GARIN2: variants seen among roughly 807,000 people sequenced by gnomAD.
The protein encoded by GARIN2 is golgi associated RAB2 interactor family member 2, also known as Golgi-associated RAB2 interactor protein 2.
the GARIN2 span, chr14:67,204,637 T>C: frequency 6.2e-7 from 1 of 1,613,918 alleles, no homozygotes; most frequent in Non-Finnish European, 8.5e-7. Context: ...CTTACAGCTC[T>C]GCACCTCTGC....
the GARIN2 span, among the ~76,000 whole-genome samples, chr14:67,190,411 A>G: frequency 5.3e-5 from 8 of 150,590 alleles, no homozygotes; most frequent in Admixed American, 2.6e-4. Context: ...ATTAGTAGAG[A>G]CAGGGTTTCG....
At chr14:67,224,246 A>G in the GARIN2 span, among the ~76,000 whole-genome samples, 19 of 145,744 alleles carry the variant, frequency 1.3e-4, no homozygotes, top group East Asian at 3.4e-3. Flanking sequence ...ATCTGAGTTC[A>G]TTTCTCTCTT....
chr14:67,211,422 C>T, the GARIN2 span, among the ~76,000 whole-genome samples: 1 of 151,968 alleles, frequency 6.6e-6, no homozygotes, highest in Admixed American at 6.6e-5. Flanking sequence ...TAAACTGAAC[C>T]TAGAGGAGAA....
At chr14:67,223,291 C>T in the GARIN2 span, among the ~76,000 whole-genome samples, 4 of 151,994 alleles carry the variant, frequency 2.6e-5, no homozygotes, top group Admixed American at 6.6e-5. Context: ...TGAGCCACTG[C>T]GCCTGGCCCC....
the GARIN2 span, among the ~76,000 whole-genome samples, chr14:67,210,887 C>G: frequency 1.1e-3 from 160 of 152,046 alleles, no homozygotes; most frequent in African/African-American, 3.6e-3. Flanking sequence ...GTCTGTAGTC[C>G]CAGCTACTCA....
the GARIN2 span, among the ~76,000 whole-genome samples, chr14:67,195,713 T>TTGTGTGTGTG: frequency 7.0e-4 from 100 of 143,336 alleles, no homozygotes; most frequent in African/African-American, 2.1e-3. Flanking sequence ...TTCTTTTTGG[T>TTGTGTGTGTG]TGTGTGTGTG....
the GARIN2 span, chr14:67,198,253 A>T: frequency 1.2e-6 from 2 of 1,613,894 alleles, no homozygotes; most frequent in Admixed American, 1.7e-5. Flanking sequence ...GATCTTCAAA[A>T]TATGTTGGAT....
chr14:67,204,296 G>A, the GARIN2 span, among the ~76,000 whole-genome samples: 1 of 152,040 alleles, frequency 6.6e-6, no homozygotes, highest in Non-Finnish European at 1.5e-5. Context: ...AAATTAGCCA[G>A]GCATTGGTGG....
chr14:67,212,962 A>G, the GARIN2 span, among the ~76,000 whole-genome samples: 1 of 151,856 alleles, frequency 6.6e-6, no homozygotes, highest in Non-Finnish European at 1.5e-5. Context: ...TAAGGTTTCT[A>G]TATGAGTTGT....
chr14:67,204,520 C>T, the GARIN2 span: 45 of 1,606,918 alleles, frequency 2.8e-5, no homozygotes, highest in South Asian at 2.0e-4. Flanking sequence ...ATGATGTTAC[C>T]GTGTGCTTGT....
the GARIN2 span, chr14:67,201,700 G>A: frequency 2.8e-6 from 1 of 354,694 alleles, no homozygotes; most frequent in Non-Finnish European, 5.6e-6. Flanking sequence ...CATGATATTG[G>A]ACAAAACCAG....
the GARIN2 span, chr14:67,200,133 C>G: frequency 3.6e-6 from 4 of 1,107,582 alleles, no homozygotes; most frequent in East Asian, 9.7e-5. Context: ...GGCCTCCATT[C>G]TGATCTCCCA....
the GARIN2 span, among the ~76,000 whole-genome samples, chr14:67,194,032 C>CA: frequency 1.3e-4 from 19 of 148,524 alleles, no homozygotes; most frequent in Admixed American, 1.3e-3. Context: ...ACTGGAAAGA[C>CA]ATATACCAAA....
the GARIN2 span, among the ~76,000 whole-genome samples, chr14:67,200,796 T>C: frequency 7.2e-5 from 11 of 152,324 alleles, no homozygotes. Context: ...CCTGTGCTGT[T>C]TCCAAGTTAG....
At chr14:67,210,977 G>GT in the GARIN2 span, among the ~76,000 whole-genome samples, 1 of 152,104 alleles carries the variant, frequency 6.6e-6, no homozygotes, top group African/African-American at 2.4e-5. Context: ...TCCAGCCTGG[G>GT]TGATGGAGTG....
At chr14:67,218,067 G>C in the GARIN2 span, among the ~76,000 whole-genome samples, 1 of 152,164 alleles carries the variant, frequency 6.6e-6, no homozygotes, top group East Asian at 1.9e-4. Context: ...CAGTGGCCTA[G>C]GCTTAGAGAG....
At chr14:67,200,112 GC>G in the GARIN2 span, 18 of 1,044,848 alleles carry the variant, frequency 1.7e-5, no homozygotes, top group East Asian at 4.9e-5. Flanking sequence ...CAATGGGCAT[GC>G]CCCCCCGAAG....
the GARIN2 span, among the ~76,000 whole-genome samples, chr14:67,203,466 A>G: frequency 6.6e-6 from 1 of 152,204 alleles, no homozygotes; most frequent in Admixed American, 6.5e-5. Context: ...ATGTATGACA[A>G]TGGGTATCCA....
the GARIN2 span, among the ~76,000 whole-genome samples, chr14:67,191,712 C>T: frequency 5.9e-5 from 9 of 152,194 alleles, no homozygotes; most frequent in Admixed American, 1.3e-4. Flanking sequence ...GAAGCCCTGA[C>T]GACACCATGG....
Sources: allele counts gnomAD v4.1 joint callset (sites outside exome capture counted in the v4.1 genomes callset), GRCh38; gene constraint gnomAD v4.1.1; transcripts MANE v1.5; gene names NCBI Gene and HGNC (gene_info 2026-07-23, HGNC 2026-07-21).